PREX2: variants seen among roughly 807,000 people sequenced by gnomAD.
PREX2 encodes the protein phosphatidylinositol-3,4,5-trisphosphate dependent Rac exchange factor 2.
Under a neutral mutation model 203.2 loss-of-function variants are expected in PREX2, and 107 were observed. That is an observed-to-expected ratio of 0.53 (90% CI 0.45 to 0.62). The LOEUF (loss-of-function observed/expected upper bound fraction) is 0.62, where lower values mean the gene tolerates loss of function less well. Ranked by LOEUF, PREX2 falls within the 20% of genes least tolerant of loss-of-function variation. PREX2 has a pLI of 0.00. For synonymous variants in PREX2, 672 were observed against 663.6 expected, an observed-to-expected ratio of 1.01 and a Z score of -0.19; for missense variants, 1,777 against 1,955.9, an observed-to-expected ratio of 0.91 and a Z score of 1.72.
intron 35 of PREX2, among the ~76,000 whole-genome samples, chr8:68,191,001 A>G (rs1210426523): frequency 2.6e-5 from 4 of 152,080 alleles, no homozygotes; most frequent in Non-Finnish European, 5.9e-5. Flanking sequence ...TAATACACAA[A>G]ATGGCATGAA....
At chr8:67,973,073 G>A (rs1054566120) in intron 1 of PREX2, among the ~76,000 whole-genome samples, 3 of 152,012 alleles carry the variant, frequency 2.0e-5, no homozygotes, top group East Asian at 1.9e-4. Context: ...TCTCAATGCC[G>A]TGTTGATTTC....
chr8:68,014,049 G>T (rs529060075), intron 1 of PREX2, among the ~76,000 whole-genome samples: 1 of 152,278 alleles, frequency 6.6e-6, no homozygotes, highest in South Asian at 2.1e-4. Flanking sequence ...TTTGTATGTT[G>T]AAATTATAAA....
chr8:68,090,759 A>G (rs750201626), intron 20 of PREX2, 44 bp downstream of exon 20: 2 of 1,553,070 alleles, frequency 1.3e-6, no homozygotes, highest in Admixed American at 1.8e-5. Flanking sequence ...GACTACTTGC[A>G]TAAAGACCTA....
intron 1 of PREX2, among the ~76,000 whole-genome samples, chr8:67,992,790 C>T (rs1806647286): frequency 3.9e-5 from 6 of 152,286 alleles, no homozygotes; most frequent in Middle Eastern, 3.4e-3. Context: ...TTCATCTGAA[C>T]ATAATGGGAA....
intron 33 of PREX2, among the ~76,000 whole-genome samples, chr8:68,145,676 T>A (rs1811310751): frequency 6.6e-6 from 1 of 152,106 alleles, no homozygotes; most frequent in Non-Finnish European, 1.5e-5. Flanking sequence ...AAATTTAGGA[T>A]CTTTGAAAAT....
intron 10 of PREX2, among the ~76,000 whole-genome samples, chr8:68,057,054 C>G (rs1053118444): frequency 2.0e-5 from 3 of 152,228 alleles, no homozygotes; most frequent in African/African-American, 7.2e-5. Flanking sequence ...GAGTTATAAT[C>G]CAAATTGTAA....
intron 19 of PREX2, among the ~76,000 whole-genome samples, chr8:68,089,267 C>T (rs1205508994): frequency 6.6e-6 from 1 of 152,078 alleles, no homozygotes; most frequent in Admixed American, 6.5e-5. Context: ...CTGTCTTCTA[C>T]TGGGCCCGTA....
chr8:68,048,580 AT>A (rs149916446), intron 8 of PREX2, among the ~76,000 whole-genome samples: 2,264 of 151,910 alleles, frequency 0.015, 48 homozygotes, highest in African/African-American at 0.051. Context: ...TGTTGAATAC[AT>A]TTTTTTTATA....
intron 37 of PREX2, among the ~76,000 whole-genome samples, chr8:68,210,334 T>G (rs866331429): frequency 6.6e-6 from 1 of 152,316 alleles, no homozygotes; most frequent in African/African-American, 2.4e-5. Flanking sequence ...ATCATCACCC[T>G]AGATTTTCAT....
At chr8:68,119,617 C>T (rs1810726927) in intron 28 of PREX2, 103 bp downstream of exon 28, 18 of 791,626 alleles carry the variant, frequency 2.3e-5, no homozygotes, top group South Asian at 1.7e-4. Flanking sequence ...AGAAAGGCCT[C>T]AATCTGTCCT....
Position 68,235,327 on chromosome 8 carries a change from T to C in PREX2, c.*3949T>C, listed in dbSNP as rs965473176. On this transcript the variant is annotated 3_prime_UTR_variant, in exon 40 of 40. Coordinates refer to ENST00000288368, the MANE Select transcript of PREX2 (RefSeq NM_024870.4). ...TAGTGGTATTGAAACTAACCTTTAA[T>C]ATTTGACTAAATTGCTTGTGAATTT... is the stretch of plus-strand genomic sequence containing the variant. 1 of 152,190 alleles carries C rather than the reference T, an allele frequency of 6.6e-6. No homozygotes were observed. The highest frequency in any genetic ancestry group is 2.4e-5 in the African/African-American group (1 of 41,458). 9.4% of individuals were successfully genotyped at this position (152,190 alleles called of 1,614,324 possible).
chr8:68,183,266 A>G (rs141699197), intron 35 of PREX2, among the ~76,000 whole-genome samples: 2 of 152,302 alleles, frequency 1.3e-5, no homozygotes, highest in South Asian at 2.1e-4. Context: ...TGAACTTGCT[A>G]TTCATAGTGT....
Position 68,191,764 on chromosome 8 carries a change from A to C in PREX2, c.4389A>C (p.Thr1463=). 1 of 1,609,806 alleles carries C rather than the reference A, an allele frequency of 6.2e-7. No homozygotes were observed. The highest frequency in any genetic ancestry group is 8.5e-7 in the Non-Finnish European group (1 of 1,176,238). ...LDKSNSPPNS[T]SKAAYVDKLM... is the part of the protein sequence containing the mutation. ...AGTCAAATTCACCACCAAACTCCAC[A>C]TCCAAAGCTGCCTATGTAGATAAGG... The change falls in exon 36 of 40, where the codon ACA becomes ACC. Residue 1463 remains threonine, a synonymous_variant. Coordinates refer to ENST00000288368, the MANE Select transcript of PREX2 (RefSeq NM_024870.4).
chr8:68,181,245 G>T (rs1277034047), intron 35 of PREX2, among the ~76,000 whole-genome samples: 1 of 152,038 alleles, frequency 6.6e-6, no homozygotes, highest in Non-Finnish European at 1.5e-5. Flanking sequence ...TTACCAAACG[G>T]GTATCAAAAG....
At chr8:68,100,177 T>G (rs752566237) in intron 23 of PREX2, 12 of 472,084 alleles carry the variant, frequency 2.5e-5, no homozygotes, top group African/African-American at 5.9e-5. Flanking sequence ...ATACTATAGT[T>G]CTTCTTTTCT....
intron 1 of PREX2, among the ~76,000 whole-genome samples, chr8:67,989,516 G>A (rs189479526): frequency 5.9e-5 from 9 of 152,220 alleles, no homozygotes; most frequent in African/African-American, 2.2e-4. Context: ...AATTTGATAA[G>A]TATTTGAACT....
intron 6 of PREX2, among the ~76,000 whole-genome samples, chr8:68,032,998 C>T (rs1479424788): frequency 1.3e-5 from 2 of 152,086 alleles, no homozygotes; most frequent in Non-Finnish European, 2.9e-5. Flanking sequence ...TGATGGAATC[C>T]AAGTCTGATA....
At position 68,055,865 on chromosome 8, in the gene PREX2, A is replaced by G. The variant is rs1348317702; in HGVS notation, c.1129A>G (p.Met377Val). 1.9e-6 allele frequency: 3 copies of G among 1,613,584 alleles called. No homozygotes were observed. The highest frequency in any genetic ancestry group is 1.7e-6 in the Non-Finnish European group (2 of 1,179,700). ...KLGMEQDTWV[M>V]ISEQGEKLYK... ...AGGAATGGAGCAAGATACCTGGGTC[A>G]TGATCTCTGAACAGGGTGAGAAACT... Residue 377 changes from methionine to valine, a missense_variant, in exon 10 of 40, where the codon ATG becomes GTG. Coordinates refer to ENST00000288368, the MANE Select transcript of PREX2 (RefSeq NM_024870.4).
chr8:67,975,694 CTTTT>C (rs67614434), intron 1 of PREX2, among the ~76,000 whole-genome samples: 2 of 74,990 alleles, frequency 2.7e-5, no homozygotes, highest in African/African-American at 5.9e-5. Context: ...ATTTCTCTTT[CTTTT>C]TTTTTTTTTT....
Sources: gnomAD v4.1 joint callset for allele counts (sites outside exome capture counted in the v4.1 genomes callset) on GRCh38, gnomAD v4.1.1 for gene constraint, MANE v1.5 for transcripts, NCBI Gene and HGNC (gene_info 2026-07-23, HGNC 2026-07-21) for gene names.